The following ADAM12 variants were observed in gnomAD, a reference collection of about 807,000 sequenced individuals.
ADAM12 encodes disintegrin and metalloproteinase domain-containing protein 12.
Under a neutral mutation model 106.4 loss-of-function variants are expected in ADAM12, and 70 were observed. That is an observed-to-expected ratio of 0.66 (90% CI 0.54 to 0.80). ADAM12 has a LOEUF of 0.80. Among genes scored for constraint, ADAM12 ranks in the 30% least tolerant of loss-of-function variants. The pLI is 0.00. For synonymous variants in ADAM12, 420 were observed against 433.5 expected (o/e 0.97, Z 0.39); for missense variants, 1,010 against 1,171.9 (o/e 0.86, Z 2.02).
chr10:126,230,778 T>C (rs1387104989), intron 3 of ADAM12, among the ~76,000 whole-genome samples: 2 of 152,256 alleles, frequency 1.3e-5, no homozygotes, highest in Non-Finnish European at 2.9e-5. Context: ...ATATTTATGC[T>C]GCCAATATTT....
chr10:126,283,069 C>T (rs567184699), intron 2 of ADAM12, among the ~76,000 whole-genome samples: 42 of 151,726 alleles, frequency 2.8e-4, no homozygotes, highest in African/African-American at 6.8e-4. Context: ...GATCATCAGG[C>T]GTTAGATTCT....
intron 3 of ADAM12, among the ~76,000 whole-genome samples, chr10:126,205,375 C>T (rs1957776957): frequency 6.6e-6 from 1 of 151,022 alleles, no homozygotes; most frequent in African/African-American, 2.4e-5. Flanking sequence ...AGGCCAACTT[C>T]ACTCCTCTTA....
intron 3 of ADAM12, among the ~76,000 whole-genome samples, chr10:126,233,518 C>T (rs1418124157): frequency 1.3e-5 from 2 of 151,018 alleles, no homozygotes; most frequent in Non-Finnish European, 3.0e-5. Context: ...TTTGGGTGGG[C>T]GGTTGGGGAA....
chr10:126,388,249 C>T lies in ADAM12; in HGVS notation c.-104G>A, dbSNP rs956470448. 1.7e-6 allele frequency: 2 copies of T among 1,181,440 alleles called. No individual in the cohort carries two copies. The highest frequency in any genetic ancestry group is 1.6e-5 in the African/African-American group (1 of 62,454). The allele number at this position is 1,181,440 out of a possible 1,614,324, so 73.2% of individuals were successfully genotyped here. A position where few individuals can be genotyped will look rare whatever the true frequency, so the allele number is the denominator to read the frequency against. On this transcript the variant is annotated 5_prime_UTR_variant, in exon 1 of 23. Coordinates refer to ENST00000448723, the MANE Select transcript of ADAM12 (RefSeq NM_001288973.2). The surrounding 1 kb of genome is among the most constrained non-coding windows in gnomAD (Gnocchi z 4.4). The stretch of plus-strand genomic sequence containing the variant: ...CCGGGCGTCGCGACCGGAGGGATTT[C>T]CTGCCTCGGCGAGTCAGCTCCGGAG...
At chr10:126,104,101 G>T (rs1209981992) in intron 8 of ADAM12, among the ~76,000 whole-genome samples, 1 of 152,208 alleles carries the variant, frequency 6.6e-6, no homozygotes, top group African/African-American at 2.4e-5. Context: ...CAGGCAACTG[G>T]TTTGGGACAG....
chr10:126,314,355 T>G (rs1291010979), intron 2 of ADAM12, among the ~76,000 whole-genome samples: 1 of 152,212 alleles, frequency 6.6e-6, no homozygotes, highest in East Asian at 1.9e-4. Flanking sequence ...GGATATGGTG[T>G]GAGGGGGGTG....
chr10:126,286,906 T>C (rs926073909), intron 2 of ADAM12, among the ~76,000 whole-genome samples: 1 of 152,226 alleles, frequency 6.6e-6, no homozygotes, highest in Non-Finnish European at 1.5e-5. Context: ...GTTGGAAGTT[T>C]GTGTGTTCAA....
intron 4 of ADAM12, among the ~76,000 whole-genome samples, chr10:126,143,030 A>G (rs1340708910): frequency 7.4e-6 from 1 of 135,994 alleles, no homozygotes; most frequent in African/African-American, 2.6e-5. Context: ...ATGCATTTGT[A>G]TATATATGTA....
At chr10:126,287,760 C>T (rs1178768231) in intron 2 of ADAM12, among the ~76,000 whole-genome samples, 1 of 151,994 alleles carries the variant, frequency 6.6e-6, no homozygotes, top group African/African-American at 2.4e-5. Context: ...GTCCCGGCCT[C>T]CTAAGGGGGT....
intron 3 of ADAM12, among the ~76,000 whole-genome samples, chr10:126,227,456 C>A (rs990748161): frequency 6.6e-6 from 1 of 152,162 alleles, no homozygotes; most frequent in Non-Finnish European, 1.5e-5. Context: ...TGTTAAGCCC[C>A]CTACATAGAC....
At chr10:126,099,546 G>A (rs1444318829) in intron 9 of ADAM12, among the ~76,000 whole-genome samples, 1 of 152,140 alleles carries the variant, frequency 6.6e-6, no homozygotes, top group Non-Finnish European at 1.5e-5. Flanking sequence ...TTTATTTCCA[G>A]ATGTTCAAGT....
intron 2 of ADAM12, among the ~76,000 whole-genome samples, chr10:126,284,986 G>A (rs1305443932): frequency 1.3e-5 from 2 of 152,220 alleles, no homozygotes; most frequent in Non-Finnish European, 2.9e-5. Flanking sequence ...TAGGGTTAAG[G>A]GTGTGACCCA....
intron 3 of ADAM12, among the ~76,000 whole-genome samples, chr10:126,234,529 T>C (rs1680306453): frequency 1.3e-5 from 2 of 152,210 alleles, no homozygotes; most frequent in Admixed American, 1.3e-4. Flanking sequence ...CCTTTCTTAC[T>C]TCCCATGTGC....
rs559494326 is a variant in ADAM12 at position 126,179,907 on chromosome 10, C to T, written c.261-24602G>A. 6.6e-5 allele frequency among the ~76,000 whole-genome samples: 10 copies of T among 152,182 alleles called. 1 individual carries two copies. Among genetic ancestry groups the T allele is most frequent in the African/African-American group, 4.8e-5 (2 of 41,530 alleles). The stretch of plus-strand genomic sequence containing the variant: ...AGGACGGCTTCCTGGATGTGGTGAC[C>T]GCACACCAATGCTTCTCCTAAGTCT... On this transcript the variant is annotated intron_variant, in intron 3 of 22. Transcript: ENST00000448723.
intron 3 of ADAM12, among the ~76,000 whole-genome samples, chr10:126,209,736 T>G (rs75657059): frequency 0.077 from 11,735 of 152,262 alleles, 648 homozygotes; most frequent in South Asian, 0.12. Flanking sequence ...GAATGCAGGT[T>G]TCAAACCACA....
chr10:126,197,994 C>T (rs1225392407), intron 3 of ADAM12, among the ~76,000 whole-genome samples: 1 of 152,244 alleles, frequency 6.6e-6, no homozygotes, highest in East Asian at 1.9e-4. Flanking sequence ...TGTGAAATTA[C>T]AGTTCTTCAT....
chr10:126,278,249 T>C (rs1959371908), intron 3 of ADAM12, among the ~76,000 whole-genome samples: 1 of 152,174 alleles, frequency 6.6e-6, no homozygotes, highest in African/African-American at 2.4e-5. Context: ...AAGGAGTCCT[T>C]TAGATCTGAG....
In ADAM12 at chr10:126,250,838, A is replaced by G. The variant is rs575108114; in HGVS notation, c.260+28077T>C. ...TCCAACAATCTTATTCGTATTTCTA[A>G]TTTTTATTACACTCATTTATGTGTA... is the stretch of plus-strand genomic sequence containing the variant. On this transcript the variant is annotated intron_variant, in intron 3 of 22. Coordinates refer to ENST00000448723, the MANE Select transcript of ADAM12 (RefSeq NM_001288973.2). Among the ~76,000 whole-genome samples the G allele has an allele frequency of 2.9e-3, 434 of 152,276 alleles. 2 individuals carry two copies. The highest frequency in any genetic ancestry group is 0.01 in the African/African-American group (419 of 41,554).
chr10:126,203,740 A>G (rs1590614453), intron 3 of ADAM12, among the ~76,000 whole-genome samples: 2 of 152,348 alleles, frequency 1.3e-5, no homozygotes, highest in Admixed American at 1.3e-4. Context: ...GAAACTGCTT[A>G]GCAGAACTAT....
Sources: allele counts gnomAD v4.1 joint callset (sites outside exome capture counted in the v4.1 genomes callset), GRCh38; gene constraint gnomAD v4.1.1; non-coding constraint Gnocchi (gnomAD v3.1); transcripts MANE v1.5; gene names NCBI Gene and HGNC (gene_info 2026-07-23, HGNC 2026-07-21).